TRAPPC9: variants seen among roughly 807,000 people sequenced by gnomAD.
TRAPPC9 encodes trafficking protein particle complex subunit 9.
A neutral mutation model predicts 124.0 loss-of-function variants in TRAPPC9; 83 were observed. The observed-to-expected ratio is 0.67, with a 90% CI of 0.56 to 0.80. TRAPPC9 has a LOEUF of 0.80. Ranked by LOEUF, TRAPPC9 falls within the 30% of genes least tolerant of loss-of-function variation. The pLI is 0.00. For missense variants in TRAPPC9, 1,302 were observed against 1,508.3 expected (o/e 0.86, Z 2.27); for synonymous variants, 638 against 617.5 (o/e 1.03, Z -0.49).
intron 19 of TRAPPC9, among the ~76,000 whole-genome samples, chr8:139,987,974 A>G (rs1002235432): frequency 6.6e-5 from 10 of 152,080 alleles, no homozygotes; most frequent in African/African-American, 2.4e-5. Context: ...TTTGCCCTAC[A>G]GAGACTGGGC....
chr8:139,922,936 AG>A (rs1162695673), intron 19 of TRAPPC9, among the ~76,000 whole-genome samples: 2 of 152,214 alleles, frequency 1.3e-5, no homozygotes, highest in African/African-American at 4.8e-5. Flanking sequence ...AGAAATTGGC[AG>A]GAGTGTTTTT....
chr8:140,405,548 TA>T (rs767948779), intron 6 of TRAPPC9, 28 bp downstream of exon 6: 16 of 1,612,030 alleles, frequency 9.9e-6, no homozygotes, highest in Non-Finnish European at 1.4e-5. Context: ...CACAACTGTG[TA>T]AAAAAAATCA....
intron 11 of TRAPPC9, 109 bp from the exon 12 acceptor site, chr8:140,291,187 A>G (rs551569401): frequency 1.9e-4 from 186 of 978,614 alleles, no homozygotes; most frequent in Non-Finnish European, 2.3e-4. Context: ...GTGAGGCAGC[A>G]GGCTCTATGA....
intron 15 of TRAPPC9, chr8:140,262,519 C>CG (rs533460810): frequency 2.1e-5 from 3 of 145,282 alleles, no homozygotes; most frequent in African/African-American, 8.3e-5. Context: ...ATTGTGTATA[C>CG]GGTGGGGGGG....
intron 10 of TRAPPC9, among the ~76,000 whole-genome samples, chr8:140,304,093 ATTTT>A (rs549536451): frequency 1.4e-5 from 2 of 140,888 alleles, no homozygotes; most frequent in African/African-American, 5.2e-5. Context: ...GCCTGACTTA[ATTTT>A]TTTTTTTTTT....
At chr8:139,871,791 A>G (rs140199264) in intron 21 of TRAPPC9, among the ~76,000 whole-genome samples, 1 of 152,312 alleles carries the variant, frequency 6.6e-6, no homozygotes, top group East Asian at 1.9e-4. Context: ...GAATGGACGA[A>G]TATGTGGGTG....
In TRAPPC9 at chr8:140,221,339, T is replaced by C. The variant is rs981052865; in HGVS notation, c.2556+120A>G. ...GTCCAAGAACAAAGAATACCAAGAATCCAGCTTTCAAATACACATAGCCTT... is the reference window on the plus strand; with the variant it reads ...GTCCAAGAACAAAGAATACCAAGAACCCAGCTTTCAAATACACATAGCCTT... On this transcript the variant is annotated intron_variant, in intron 17 of 22. Transcript: ENST00000438773. 8 of 1,431,040 alleles carry C rather than the reference T, an allele frequency of 5.6e-6. No individual in the cohort carries two copies. The African/African-American group carries it at 9.8e-5, about 18-fold the overall frequency. The allele number at this position is 1,431,040 out of a possible 1,614,324, so 88.6% of individuals were successfully genotyped here.
In TRAPPC9 at chr8:140,311,268, G is replaced by A; in HGVS notation, c.1602C>T (p.Phe534=). ...PGGLTLPPVP[F]TKLPIVRHVK... ...CTCACCTGACGATGGGAAGCTTGGT[G>A]AAGGGCACCGGTGGCAGGGTGAGGC... Residue 534 remains phenylalanine (F), a synonymous_variant, in exon 10 of 23, where the codon TTC becomes TTT. Coordinates refer to ENST00000438773, the MANE Select transcript of TRAPPC9 (RefSeq NM_001160372.4). 1 of 1,612,476 alleles carries A rather than the reference G, an allele frequency of 6.2e-7. No individual in the cohort carries two copies. The highest frequency in any genetic ancestry group is 8.5e-7 in the Non-Finnish European group (1 of 1,179,998).
intron 21 of TRAPPC9, among the ~76,000 whole-genome samples, chr8:139,803,038 A>T (rs1204946012): frequency 6.6e-6 from 1 of 151,306 alleles, no homozygotes; most frequent in Non-Finnish European, 1.5e-5. Context: ...ACGTGTGTGT[A>T]TGTGAAGGTG....
intron 16 of TRAPPC9, among the ~76,000 whole-genome samples, chr8:140,235,454 G>A (rs192197301): frequency 1.3e-5 from 2 of 152,156 alleles, no homozygotes; most frequent in East Asian, 3.9e-4. Context: ...CAGTTGGAAG[G>A]TAAATAACCC....
At chr8:140,178,029 AC>A (rs1195220294) in intron 17 of TRAPPC9, among the ~76,000 whole-genome samples, 2 of 152,244 alleles carry the variant, frequency 1.3e-5, no homozygotes, top group Middle Eastern at 6.8e-3. Flanking sequence ...AAATTACTCT[AC>A]TTTTTGTAAA....
chr8:139,777,772 A>G (rs1390010474), intron 21 of TRAPPC9, among the ~76,000 whole-genome samples: 3 of 152,264 alleles, frequency 2.0e-5, no homozygotes, highest in Non-Finnish European at 2.9e-5. Flanking sequence ...GACACTGGCC[A>G]TTAGGGAACA....
chr8:140,286,650 G>A (rs542384770), intron 13 of TRAPPC9, among the ~76,000 whole-genome samples: 44 of 152,234 alleles, frequency 2.9e-4, no homozygotes, highest in Admixed American at 1.1e-3. Flanking sequence ...GGGAATGCCC[G>A]CACTGAGATG....
At chr8:140,352,196 G>C (rs191984684) in intron 9 of TRAPPC9, among the ~76,000 whole-genome samples, 2 of 152,230 alleles carry the variant, frequency 1.3e-5, no homozygotes, top group East Asian at 3.8e-4. Context: ...GCAGGGATGA[G>C]TAGTTCACTT....
intron 5 of TRAPPC9, among the ~76,000 whole-genome samples, chr8:140,418,483 G>A (rs1428929409): frequency 1.3e-5 from 2 of 152,208 alleles, no homozygotes; most frequent in Admixed American, 6.5e-5. Context: ...CACTTTGGGA[G>A]GCCAAGGCAG....
At chr8:140,303,979 T>G (rs1041470907) in intron 10 of TRAPPC9, among the ~76,000 whole-genome samples, 3 of 152,214 alleles carry the variant, frequency 2.0e-5, no homozygotes, top group Non-Finnish European at 4.4e-5. Context: ...CTCACCAATG[T>G]AGACATTTTT....
chr8:139,945,893 G>T (rs898091284), intron 19 of TRAPPC9, among the ~76,000 whole-genome samples: 1 of 152,206 alleles, frequency 6.6e-6, no homozygotes, highest in Non-Finnish European at 1.5e-5. Flanking sequence ...GGATAAAAAG[G>T]TGGATATAGT....
In TRAPPC9 at chr8:140,063,637, A is replaced by G. The variant is rs567791459; in HGVS notation, c.2557-39558T>C. On this transcript the variant is annotated intron_variant, in intron 17 of 22. Transcript: ENST00000438773. This position sits in a 1 kb window ranked among gnomAD's most constrained non-coding sequence, Gnocchi z 4.3. The stretch of plus-strand genomic sequence containing the variant: ...ACAGTACCTGAGTACTAGTCACACT[A>G]TAAGATTTAGTGCATACTTTTTTCC... Among the ~76,000 whole-genome samples the G allele has an allele frequency of 6.6e-6, 1 of 152,220 alleles. No homozygotes were observed. Among genetic ancestry groups the G allele is most frequent in the Admixed American group, 6.5e-5 (1 of 15,288 alleles).
chr8:139,752,942 C>T (rs568318413), intron 21 of TRAPPC9, among the ~76,000 whole-genome samples: 2 of 150,428 alleles, frequency 1.3e-5, no homozygotes, highest in East Asian at 4.0e-4. Flanking sequence ...TGCATCCACC[C>T]ATCTACCATC....
Sources: gnomAD v4.1 joint callset for allele counts (sites outside exome capture counted in the v4.1 genomes callset) on GRCh38, gnomAD v4.1.1 for gene constraint, Gnocchi (gnomAD v3.1) non-coding constraint, MANE v1.5 for transcripts, NCBI Gene and HGNC (gene_info 2026-07-23, HGNC 2026-07-21) for gene names.